Variants in WWP2 observed in about 807,000 individuals in gnomAD.
WWP2 encodes NEDD4-like E3 ubiquitin-protein ligase WWP2.
In WWP2, 57 loss-of-function variants were observed where a neutral mutation model predicts 121.0. That is an observed-to-expected ratio of 0.47 (90% CI 0.38 to 0.59). The LOEUF is 0.59. Among genes scored for constraint, WWP2 ranks in the 20% least tolerant of loss-of-function variants. The pLI is 0.00. For missense variants in WWP2, 962 were observed against 1,158.9 expected, an observed-to-expected ratio of 0.83 and a Z score of 2.47; for synonymous variants, 449 against 441.3, an observed-to-expected ratio of 1.02 and a Z score of -0.22.
At chr16:69,927,941 C>T (rs912094177) in intron 11 of WWP2, among the ~76,000 whole-genome samples, 4 of 152,242 alleles carry the variant, frequency 2.6e-5, no homozygotes, top group African/African-American at 7.2e-5. Flanking sequence ...GGATTACAGG[C>T]GTGATCCACC....
chr16:69,836,120 C>A (rs2056873099), intron 4 of WWP2, among the ~76,000 whole-genome samples: 1 of 152,124 alleles, frequency 6.6e-6, no homozygotes, highest in Non-Finnish European at 1.5e-5. Flanking sequence ...CATAGTACTA[C>A]TATTGAACCT....
chr16:69,934,667 A>G (rs969619458), intron 17 of WWP2, among the ~76,000 whole-genome samples: 1 of 151,618 alleles, frequency 6.6e-6, no homozygotes, highest in African/African-American at 2.4e-5. Flanking sequence ...GGCATTTGGA[A>G]TCAACACTAG....
intron 7 of WWP2, among the ~76,000 whole-genome samples, chr16:69,879,386 C>T (rs2057786372): frequency 6.6e-6 from 1 of 152,076 alleles, no homozygotes; most frequent in Non-Finnish European, 1.5e-5. Flanking sequence ...TCCCCCCAAC[C>T]TGACCGGCCC....
chr16:69,866,940 T>G (rs1224700259), intron 6 of WWP2, among the ~76,000 whole-genome samples: 1 of 151,956 alleles, frequency 6.6e-6, no homozygotes, highest in Non-Finnish European at 1.5e-5. Flanking sequence ...TGGATTCGAG[T>G]GATTCTTCTG....
intron 10 of WWP2, among the ~76,000 whole-genome samples, chr16:69,920,588 G>T (rs1270547435): frequency 6.6e-6 from 1 of 151,576 alleles, no homozygotes; most frequent in Non-Finnish European, 1.5e-5. Context: ...GTTTCACATG[G>T]TTTTTGTCTA....
chr16:69,827,145 G>A (rs1464432391), intron 4 of WWP2, among the ~76,000 whole-genome samples: 3 of 134,422 alleles, frequency 2.2e-5, no homozygotes, highest in South Asian at 2.4e-4. Flanking sequence ...TAACTGAAAT[G>A]GAAATTATGA....
At chr16:69,823,264 T>C (rs577601434) in intron 4 of WWP2, among the ~76,000 whole-genome samples, 21 of 152,320 alleles carry the variant, frequency 1.4e-4, no homozygotes, top group African/African-American at 5.1e-4. Flanking sequence ...TTTTACATAC[T>C]TTTTGGCCTC....
rs2056115669 is a variant in WWP2, at chr16:69,799,417, A to G, written c.340+122A>G. On this transcript the variant is annotated intron_variant, in intron 4 of 23. Transcript: ENST00000359154. This position sits in a 1 kb window ranked among gnomAD's most constrained non-coding sequence, Gnocchi z 4.5. ...GCTGCAGTACCTCTGTTCTCCTTGGATGCTGTCTTTGGAGTTTTGGGAAGG... is the reference window on the plus strand; with the variant it reads ...GCTGCAGTACCTCTGTTCTCCTTGGGTGCTGTCTTTGGAGTTTTGGGAAGG... 6.5e-6 allele frequency: 9 copies of G among 1,381,408 alleles called. No homozygotes were observed. The highest frequency in any genetic ancestry group is 7.7e-6 in the Non-Finnish European group (8 of 1,040,816). 85.6% of individuals were successfully genotyped at this position (1,381,408 alleles called of 1,614,324 possible). A position where few individuals can be genotyped will look rare whatever the true frequency, so the allele number is the denominator to read the frequency against.
intron 9 of WWP2, among the ~76,000 whole-genome samples, chr16:69,916,250 A>G (rs185111570): frequency 1.4e-3 from 206 of 152,244 alleles, no homozygotes; most frequent in Middle Eastern, 6.8e-3. Flanking sequence ...GCTGGAATGT[A>G]GCAGCATAAT....
At chr16:69,912,369 TCACACACA>T (rs3051446) in intron 9 of WWP2, among the ~76,000 whole-genome samples, 11,981 of 139,924 alleles carry the variant, frequency 0.086, 665 homozygotes, top group East Asian at 0.21. Context: ...GGAGTTAGAT[TCACACACA>T]CACACACACA....
chr16:69,792,042 G>A (rs1327229067), intron 2 of WWP2, among the ~76,000 whole-genome samples: 3 of 152,130 alleles, frequency 2.0e-5, no homozygotes, highest in African/African-American at 7.2e-5. Flanking sequence ...AAGAGAAAGA[G>A]AGAAATAACC....
chr16:69,766,500 T>G (rs918989031), intron 1 of WWP2, among the ~76,000 whole-genome samples: 1 of 152,074 alleles, frequency 6.6e-6, no homozygotes, highest in African/African-American at 2.4e-5. Context: ...CCTGCAAGCC[T>G]TCCATGACCT....
chr16:69,873,919 A>T (rs776192637), intron 7 of WWP2, among the ~76,000 whole-genome samples: 2 of 152,144 alleles, frequency 1.3e-5, no homozygotes, highest in Non-Finnish European at 2.9e-5. Context: ...TATTTCCCCT[A>T]CATTTATTTT....
rs2058861738 is a variant in WWP2, at chr16:69,940,178, A to T, written c.*238A>T. The T allele has an allele frequency of 1.8e-6, 1 of 558,080 alleles. No individual in the cohort carries two copies. Among genetic ancestry groups the T allele is most frequent in the Non-Finnish European group, 3.2e-6 (1 of 313,228 alleles). 34.6% of individuals were successfully genotyped at this position (558,080 alleles called of 1,614,324 possible). On this transcript the variant is annotated 3_prime_UTR_variant, in exon 24 of 24. Transcript: ENST00000359154. ...AGTTGCCTTTGGCCCCACCTTTGCA[A>T]AGTTCCAGAGGGCTGACCCTCTCTG...
chr16:69,939,924 G>C lies in WWP2; in HGVS notation c.2597G>C (p.Gly866Ala), dbSNP rs2058857046. Residue 866 changes from glycine to alanine, a missense_variant, in exon 24 of 24, where the codon GGC becomes GCC. Gly to Ala is a moderately conservative substitution (Grantham distance 60). Transcript: ENST00000359154. ...CTGTATGCCATTGAGGAGACCGAGG[G>C]CTTTGGACAGGAGTAACCGAGGCCG... is the stretch of plus-strand genomic sequence containing the variant. ...KLLYAIEETE[G>A]FGQE The C allele has an allele frequency of 6.2e-7, 1 of 1,613,702 alleles. No homozygotes were observed. The highest frequency in any genetic ancestry group is 8.5e-7 in the Non-Finnish European group (1 of 1,179,874).
chr16:69,856,607 T>C (rs2057317526), intron 6 of WWP2, among the ~76,000 whole-genome samples: 1 of 151,912 alleles, frequency 6.6e-6, no homozygotes, highest in South Asian at 2.1e-4. Context: ...AAACCACATC[T>C]CACTAAAAAT....
chr16:69,784,182 C>T (rs914643822), intron 1 of WWP2, among the ~76,000 whole-genome samples: 5 of 143,702 alleles, frequency 3.5e-5, no homozygotes, highest in Non-Finnish European at 7.5e-5. Flanking sequence ...GCACTGCAAC[C>T]TCTGACTCCT....
chr16:69,912,955 AATAT>A (rs1567427338), intron 9 of WWP2, among the ~76,000 whole-genome samples: 14 of 8,322 alleles, frequency 1.7e-3, no homozygotes, highest in African/African-American at 3.0e-3. Context: ...AAAAAAAAAA[AATAT>A]ATATATATAT....
chr16:69,906,158 C>T (rs182309146), intron 8 of WWP2, among the ~76,000 whole-genome samples: 74 of 151,998 alleles, frequency 4.9e-4, no homozygotes, highest in East Asian at 5.8e-4. Flanking sequence ...CTGCAAGCTC[C>T]GCCTTCCGGG....
Sources: gnomAD v4.1 joint callset for allele counts (sites outside exome capture counted in the v4.1 genomes callset) on GRCh38, gnomAD v4.1.1 for gene constraint, Gnocchi (gnomAD v3.1) non-coding constraint, MANE v1.5 for transcripts, NCBI Gene and HGNC (gene_info 2026-07-23, HGNC 2026-07-21) for gene names.